DACH2: variants seen among roughly 807,000 people sequenced by gnomAD.
The protein encoded by DACH2 is dachshund family transcription factor 2, also known as dachshund homolog 2.
Under a neutral mutation model 35.8 loss-of-function variants are expected in DACH2, and 17 were observed. The ratio of observed to expected loss-of-function variants is 0.48; its 90% CI spans 0.33 to 0.71. DACH2 has a LOEUF of 0.71. Among genes scored for constraint, DACH2 ranks in the 30% least tolerant of loss-of-function variants. DACH2 has a pLI of 0.02. For synonymous variants in DACH2, 195 were observed against 177.3 expected (o/e 1.10, Z -0.79); for missense variants, 469 against 472.7 (o/e 0.99, Z 0.07).
chrX:86,309,035 G>A (rs1416111519), intron 1 of DACH2, among the ~76,000 whole-genome samples: 2 of 111,474 alleles, frequency 1.8e-5, no homozygotes, highest in African/African-American at 6.5e-5. Context: ...TAATTATGGT[G>A]GGAGAGGCCA....
chrX:86,638,938 AT>A (rs970559822), intron 3 of DACH2, among the ~76,000 whole-genome samples: 5 of 112,110 alleles, frequency 4.5e-5, no homozygotes, highest in Admixed American at 9.5e-5. Context: ...GAATTATTAT[AT>A]CAAAAATATA....
rs765302739 is a variant in DACH2, at chrX:86,535,454, G to T, written c.640+21063G>T. ...AAGGAAATCTGAAAAACTATTTCAGGCCATGATGGGAAGCAGGGGTCAGGA... is the reference window on the plus strand; with the variant it reads ...AAGGAAATCTGAAAAACTATTTCAGTCCATGATGGGAAGCAGGGGTCAGGA... On this transcript the variant is annotated intron_variant, in intron 3 of 11. Transcript: ENST00000373125. 1.9e-3 allele frequency among the ~76,000 whole-genome samples: 209 copies of T among 111,551 alleles called. 2 individuals are homozygous for T. The highest frequency in any genetic ancestry group is 6.7e-3 in the African/African-American group (205 of 30,697).
At chrX:86,217,173 CA>C (rs2032595948) in intron 1 of DACH2, among the ~76,000 whole-genome samples, 1 of 106,262 alleles carries the variant, frequency 9.4e-6, no homozygotes, top group Non-Finnish European at 1.9e-5. Flanking sequence ...CATTGAAATA[CA>C]AAAGTTTACC....
At chrX:86,617,992 T>C (rs2040026340) in intron 3 of DACH2, among the ~76,000 whole-genome samples, 1 of 112,507 alleles carries the variant, frequency 8.9e-6, no homozygotes, top group South Asian at 3.6e-4. Context: ...AAAGAAACTA[T>C]CAGCTGAGCA....
chrX:86,607,494 T>C (rs2039873787), intron 3 of DACH2, among the ~76,000 whole-genome samples: 1 of 111,636 alleles, frequency 9.0e-6, no homozygotes, highest in African/African-American at 3.2e-5. Context: ...AAACTCCACA[T>C]CTTAACTTTG....
intron 2 of DACH2, among the ~76,000 whole-genome samples, chrX:86,403,475 C>G (rs2036470689): frequency 9.0e-6 from 1 of 111,721 alleles, no homozygotes; most frequent in South Asian, 3.7e-4. Flanking sequence ...CAATAAGATA[C>G]CATTTCACAT....
At chrX:86,529,335 G>A (rs139100792) in intron 3 of DACH2, among the ~76,000 whole-genome samples, 3 of 106,348 alleles carry the variant, frequency 2.8e-5, no homozygotes, top group Non-Finnish European at 5.9e-5. Context: ...GTGAGCCACT[G>A]CACCTGGCCT....
At chrX:86,580,189 C>A (rs1036237671) in intron 3 of DACH2, among the ~76,000 whole-genome samples, 5 of 111,681 alleles carry the variant, frequency 4.5e-5, no homozygotes, top group African/African-American at 1.6e-4. Flanking sequence ...TAAAATCAAA[C>A]CCCCAAGGGC....
intron 7 of DACH2, among the ~76,000 whole-genome samples, chrX:86,763,002 T>C (rs2041898364): frequency 9.0e-6 from 1 of 111,387 alleles, no homozygotes; most frequent in Non-Finnish European, 1.9e-5. Context: ...ACTCTCTATG[T>C]ACATGAGCAC....
intron 7 of DACH2, among the ~76,000 whole-genome samples, chrX:86,806,926 G>GA (rs912865161): frequency 8.9e-6 from 1 of 111,787 alleles, no homozygotes; most frequent in African/African-American, 3.3e-5. Context: ...GATCGGGGGT[G>GA]AAGGGCTTTC....
intron 2 of DACH2, among the ~76,000 whole-genome samples, chrX:86,479,839 T>A (rs1051033982): frequency 8.9e-6 from 1 of 112,686 alleles, no homozygotes; most frequent in African/African-American, 3.2e-5. Flanking sequence ...TTTCAATATC[T>A]TTGTTAAATT....
chrX:86,250,818 A>G (rs1819486856), intron 1 of DACH2, among the ~76,000 whole-genome samples: 1 of 111,549 alleles, frequency 9.0e-6, no homozygotes, highest in East Asian at 2.8e-4. Flanking sequence ...AATTTATAAT[A>G]TTGTTCTTTC....
intron 1 of DACH2, among the ~76,000 whole-genome samples, chrX:86,262,472 C>T (rs562475652): frequency 8.9e-6 from 1 of 111,880 alleles, no homozygotes; most frequent in African/African-American, 3.2e-5. Context: ...AGATGAGTTT[C>T]TCTTTTCTTG....
chrX:86,170,286 C>T (rs1222506231), intron 1 of DACH2, among the ~76,000 whole-genome samples: 2 of 111,838 alleles, frequency 1.8e-5, no homozygotes, highest in African/African-American at 6.5e-5. Context: ...TGCACTGGGT[C>T]AGATCTGAAG....
intron 1 of DACH2, among the ~76,000 whole-genome samples, chrX:86,274,394 A>T (rs2033869173): frequency 9.3e-6 from 1 of 108,042 alleles, no homozygotes; most frequent in South Asian, 4.1e-4. Context: ...TCTTTGGCAG[A>T]TTTAAGTTGT....
chrX:86,526,727 A>G (rs1262808066), intron 3 of DACH2, among the ~76,000 whole-genome samples: 2 of 109,242 alleles, frequency 1.8e-5, no homozygotes, highest in African/African-American at 6.6e-5. Context: ...GCTTTTTGAA[A>G]CACTGTGTTA....
At chrX:86,664,405 G>A (rs915933082) in intron 4 of DACH2, among the ~76,000 whole-genome samples, 2 of 111,167 alleles carry the variant, frequency 1.8e-5, no homozygotes, top group African/African-American at 6.5e-5. Context: ...GGGAGTTGGA[G>A]GAATCAAAGG....
chrX:86,699,555 C>CATGATTCA (rs764549498), intron 5 of DACH2, among the ~76,000 whole-genome samples: 11 of 111,413 alleles, frequency 9.9e-5, no homozygotes, highest in Non-Finnish European at 1.9e-4. Flanking sequence ...AAACCACTCC[C>CATGATTCA]ATGATTCAAT....
At chrX:86,209,008 A>G (rs1274455112) in intron 1 of DACH2, among the ~76,000 whole-genome samples, 1 of 111,636 alleles carries the variant, frequency 9.0e-6, no homozygotes, top group Non-Finnish European at 1.9e-5. Flanking sequence ...TTTCATAGGC[A>G]TGAAGCTTTA....
Sources: allele counts gnomAD v4.1 joint callset (sites outside exome capture counted in the v4.1 genomes callset), GRCh38; gene constraint gnomAD v4.1.1; transcripts MANE v1.5; gene names NCBI Gene and HGNC (gene_info 2026-07-23, HGNC 2026-07-21).